The following REPS1 variants were observed in gnomAD, a reference collection of about 807,000 sequenced individuals.
REPS1 encodes RALBP1 associated Eps domain containing 1.
Under a neutral mutation model 100.9 loss-of-function variants are expected in REPS1, and 39 were observed. The observed-to-expected ratio is 0.39, with a 90% CI of 0.30 to 0.50. The LOEUF is 0.50. REPS1 is among the 20% of genes least tolerant of loss of function. The pLI is 0.86. For missense variants in REPS1, 821 were observed against 968.5 expected (o/e 0.85, Z 2.02); for synonymous variants, 324 against 340.3 (o/e 0.95, Z 0.53).
chr6:138,938,005 C>T (rs544694261), intron 8 of REPS1, among the ~76,000 whole-genome samples: 1 of 148,446 alleles, frequency 6.7e-6, no homozygotes, highest in Non-Finnish European at 1.5e-5. Flanking sequence ...TCATCTTAAT[C>T]TTTTTTTTTT....
At chr6:138,907,437 C>G in intron 19 of REPS1, 58 bp downstream of exon 19, 1 of 1,221,418 alleles carries the variant, frequency 8.2e-7, no homozygotes, top group Non-Finnish European at 1.2e-6. Flanking sequence ...CACATTCCTT[C>G]TCTTTAGGTT....
chr6:138,945,391 T>C lies in REPS1; in HGVS notation c.475-19A>G. On this transcript the variant is annotated intron_variant, in intron 3 of 19. Coordinates refer to ENST00000450536, the MANE Select transcript of REPS1 (RefSeq NM_001286611.2). ...CAGGTTCCTAGAAAAGAATATTATT[T>C]TAAAATTTTAACTTTAAGGAGACAT... 1 of 1,591,724 alleles carries C rather than the reference T, an allele frequency of 6.3e-7. No individual in the cohort carries two copies. Among genetic ancestry groups the C allele is most frequent in the Non-Finnish European group, 8.5e-7 (1 of 1,172,590 alleles).
chr6:138,924,486 C>A (rs1780975817), intron 10 of REPS1, among the ~76,000 whole-genome samples: 1 of 152,142 alleles, frequency 6.6e-6, no homozygotes, highest in Non-Finnish European at 1.5e-5. Context: ...ATTTATTTCG[C>A]TTCTGAGTTC....
chr6:138,961,631 T>C (rs377205905), intron 1 of REPS1, among the ~76,000 whole-genome samples: 1 of 152,228 alleles, frequency 6.6e-6, no homozygotes, highest in Non-Finnish European at 1.5e-5. Flanking sequence ...CCATGACTTT[T>C]ACACCAACAA....
intron 1 of REPS1, among the ~76,000 whole-genome samples, chr6:138,981,912 C>T (rs2128514192): frequency 6.6e-6 from 1 of 152,182 alleles, no homozygotes; most frequent in South Asian, 2.1e-4. Context: ...TTAAAACAAA[C>T]AAACAAACAA....
chr6:138,950,217 T>C lies in REPS1; in HGVS notation c.154-2304A>G, dbSNP rs970566498. ...GGCCAGGAGCAGTGGTTCATGCCTG[T>C]AATTGCAACACTCTGGGAGGCCAAG... On this transcript the variant is annotated intron_variant, in intron 1 of 19. Transcript: ENST00000450536. Among the ~76,000 whole-genome samples the C allele has an allele frequency of 2.6e-5, 4 of 152,190 alleles. No individual in the cohort carries two copies. In the South Asian group the frequency reaches 6.2e-4, roughly 24 times the overall value.
intron 10 of REPS1, among the ~76,000 whole-genome samples, chr6:138,922,910 C>T (rs1049088688): frequency 6.6e-6 from 1 of 152,332 alleles, no homozygotes; most frequent in East Asian, 1.9e-4. Flanking sequence ...TCTTATCTGA[C>T]ATATCTCCTT....
chr6:138,928,459 A>C (rs1781279809), intron 9 of REPS1: 1 of 152,140 alleles, frequency 6.6e-6, no homozygotes, highest in South Asian at 2.1e-4. Context: ...ATGTCTCAAA[A>C]TCAATGATTT....
chr6:138,936,657 T>G (rs1781867429), intron 8 of REPS1, among the ~76,000 whole-genome samples: 1 of 151,438 alleles, frequency 6.6e-6, no homozygotes, highest in East Asian at 2.0e-4. Context: ...ATTTCTTAAT[T>G]AGAAAGCTAA....
At position 138,921,034 on chromosome 6, in the gene REPS1, T is replaced by G. The variant is rs1412761444; in HGVS notation, c.1426+3A>C. ...AAATACAAACCAGCAACAGCTTCCT[T>G]ACCGCTGCCAGTTCTTTTAAGTTCC... On this transcript the variant is annotated splice_donor_region_variant and intron_variant, in intron 11 of 19. Transcript: ENST00000450536. 1.9e-6 allele frequency: 3 copies of G among 1,606,612 alleles called. No homozygotes were observed. Among genetic ancestry groups the G allele is most frequent in the Non-Finnish European group, 2.6e-6 (3 of 1,173,836 alleles).
chr6:138,929,865 T>C (rs1781376824), intron 9 of REPS1, 112 bp downstream of exon 9: 2 of 1,010,704 alleles, frequency 2.0e-6, no homozygotes, highest in Non-Finnish European at 3.0e-6. Flanking sequence ...ATCTGATATG[T>C]TCTCTCAATT....
intron 1 of REPS1, among the ~76,000 whole-genome samples, chr6:138,963,789 G>A (rs1562558597): frequency 2.6e-5 from 4 of 152,064 alleles, no homozygotes; most frequent in Admixed American, 1.3e-4. Flanking sequence ...TTAGCTTCGG[G>A]TACATACTAA....
intron 1 of REPS1, among the ~76,000 whole-genome samples, chr6:138,975,973 G>A (rs182752820): frequency 3.9e-5 from 6 of 152,292 alleles, no homozygotes; most frequent in East Asian, 3.9e-4. Flanking sequence ...TAGAACTGTC[G>A]TATTCCAAAG....
chr6:138,966,018 T>C (rs893431101), intron 1 of REPS1, among the ~76,000 whole-genome samples: 5 of 152,200 alleles, frequency 3.3e-5, no homozygotes, highest in African/African-American at 1.2e-4. Context: ...ATTTCTATCC[T>C]ATTTTACAGA....
chr6:138,946,953 C>T (rs145442572), intron 2 of REPS1, among the ~76,000 whole-genome samples: 6 of 152,086 alleles, frequency 3.9e-5, no homozygotes, highest in Non-Finnish European at 8.8e-5. Flanking sequence ...ATCATGGGGG[C>T]GGTTCCCCCA....
At chr6:138,975,060 C>A (rs895970911) in intron 1 of REPS1, among the ~76,000 whole-genome samples, 1 of 152,044 alleles carries the variant, frequency 6.6e-6, no homozygotes, top group Non-Finnish European at 1.5e-5. Context: ...GGAACCACCA[C>A]CAAGTCTGCA....
intron 1 of REPS1, among the ~76,000 whole-genome samples, chr6:138,977,360 G>T (rs1468214025): frequency 6.6e-6 from 1 of 151,998 alleles, no homozygotes; most frequent in African/African-American, 2.4e-5. Flanking sequence ...TACAGATGAG[G>T]TCTTGCTCTG....
chr6:138,970,345 G>C (rs189239048), intron 1 of REPS1, among the ~76,000 whole-genome samples: 70 of 151,728 alleles, frequency 4.6e-4, no homozygotes, highest in South Asian at 2.5e-3. Flanking sequence ...TCAGCTCCAC[G>C]ATGAACAAGA....
Position 138,920,324 on chromosome 6 carries a change from A to C in REPS1, c.1427-8T>G. 9 of 1,408,682 alleles carry C rather than the reference A, an allele frequency of 6.4e-6. No individual in the cohort carries two copies. Among genetic ancestry groups the C allele is most frequent in the Non-Finnish European group, 9.1e-6 (9 of 994,226 alleles). The allele number at this position is 1,408,682 out of a possible 1,614,324, so 87.3% of individuals were successfully genotyped here. On this transcript the variant is annotated splice_polypyrimidine_tract_variant and splice_region_variant and intron_variant, in intron 11 of 19. Transcript: ENST00000450536. Reference sequence around the variant, plus strand: ...TAGTGGGATTTGTATGATCTAATAGAGAATTAATAGGTAAAAATACAAGAC... The same window carrying C: ...TAGTGGGATTTGTATGATCTAATAGCGAATTAATAGGTAAAAATACAAGAC...
Sources: allele counts gnomAD v4.1 joint callset (sites outside exome capture counted in the v4.1 genomes callset), GRCh38; gene constraint gnomAD v4.1.1; transcripts MANE v1.5; gene names NCBI Gene and HGNC (gene_info 2026-07-23, HGNC 2026-07-21).